Variants in NCAM2 observed in about 807,000 individuals in gnomAD.
NCAM2 encodes N-CAM-2.
NCAM2 carries 30 observed loss-of-function variants against 98.1 expected under a neutral mutation model. The ratio of observed to expected loss-of-function variants is 0.31; its 90% CI spans 0.23 to 0.41. The LOEUF (loss-of-function observed/expected upper bound fraction) is 0.41. Ranked by LOEUF, NCAM2 falls within the 10% of genes least tolerant of loss-of-function variation. The pLI is 1.00. For synonymous variants in NCAM2, 368 were observed against 342.4 expected (o/e 1.07, Z -0.83); for missense variants, 867 against 1,005.8 (o/e 0.86, Z 1.87).
intron 1 of NCAM2, among the ~76,000 whole-genome samples, chr21:21,161,519 T>C (rs2067783313): frequency 6.6e-6 from 1 of 151,534 alleles, no homozygotes; most frequent in Non-Finnish European, 1.5e-5. Context: ...AATCTCATAA[T>C]TGAGAATTGT....
At position 21,225,904 on chromosome 21, in the gene NCAM2, G is replaced by C. The variant is rs146111320; in HGVS notation, c.56-54674G>C. On this transcript the variant is annotated intron_variant, in intron 1 of 17. Coordinates refer to ENST00000400546, the MANE Select transcript of NCAM2 (RefSeq NM_004540.5). The stretch of plus-strand genomic sequence containing the variant: ...GTTTATCATAGCACTACTCACAACA[G>C]CAAAGACATGGGATCAACCTCGGTG... Among the ~76,000 whole-genome samples, 580 of 152,114 alleles carry C rather than the reference G, an allele frequency of 3.8e-3. 4 individuals carry two copies. The highest frequency in any genetic ancestry group is 0.034 in the Middle Eastern group (10 of 294).
chr21:21,087,711 G>C (rs114274160), intron 1 of NCAM2, among the ~76,000 whole-genome samples: 1,715 of 152,264 alleles, frequency 0.011, 38 homozygotes, highest in African/African-American at 0.039. Flanking sequence ...GAGAGGAAAT[G>C]GTGGCTTATT....
chr21:21,064,293 A>G (rs1240452040), intron 1 of NCAM2, among the ~76,000 whole-genome samples: 2 of 152,238 alleles, frequency 1.3e-5, no homozygotes, highest in Non-Finnish European at 2.9e-5. Context: ...GACTCAGTCT[A>G]GCTATCTTAA....
chr21:21,372,940 T>C (rs1444605740), intron 8 of NCAM2, among the ~76,000 whole-genome samples: 3 of 151,862 alleles, frequency 2.0e-5, no homozygotes, highest in African/African-American at 7.2e-5. Context: ...AAAATTTACT[T>C]TTCAATACTG....
At chr21:21,084,124 G>A (rs766933326) in intron 1 of NCAM2, among the ~76,000 whole-genome samples, 3 of 152,136 alleles carry the variant, frequency 2.0e-5, no homozygotes, top group Non-Finnish European at 4.4e-5. Context: ...TTGTTTTGCT[G>A]TGTCCTTACA....
At chr21:21,441,950 G>A (rs567990016) in intron 12 of NCAM2, among the ~76,000 whole-genome samples, 2 of 152,274 alleles carry the variant, frequency 1.3e-5, no homozygotes, top group South Asian at 4.1e-4. Flanking sequence ...CATCTCCTGA[G>A]GGACTGTTAG....
At chr21:21,301,025 T>TA (rs1228411336) in intron 5 of NCAM2, among the ~76,000 whole-genome samples, 1 of 152,122 alleles carries the variant, frequency 6.6e-6, no homozygotes, top group African/African-American at 2.4e-5. Flanking sequence ...ATAGTGAATA[T>TA]ATCTTCTTTT....
chr21:21,325,750 T>G (rs1289498247), intron 6 of NCAM2, among the ~76,000 whole-genome samples: 1 of 152,166 alleles, frequency 6.6e-6, no homozygotes, highest in African/African-American at 2.4e-5. Context: ...CCACAGAGAT[T>G]TCTTTTTTCT....
intron 13 of NCAM2, among the ~76,000 whole-genome samples, chr21:21,467,342 T>C (rs1983813968): frequency 6.7e-6 from 1 of 149,298 alleles, no homozygotes; most frequent in Non-Finnish European, 1.5e-5. Flanking sequence ...GAACCACTGT[T>C]ATAAAAATCT....
intron 5 of NCAM2, among the ~76,000 whole-genome samples, chr21:21,316,528 T>C (rs1196130155): frequency 1.5e-5 from 2 of 134,760 alleles, no homozygotes; most frequent in South Asian, 2.5e-4. Context: ...ATTTTATCTT[T>C]TATTCTTTTT....
chr21:21,433,632 A>G (rs2077392680), intron 12 of NCAM2, among the ~76,000 whole-genome samples: 1 of 151,330 alleles, frequency 6.6e-6, no homozygotes, highest in South Asian at 2.1e-4. Context: ...AGACCCAGCT[A>G]CTCGGGAGGC....
At chr21:21,205,986 A>G (rs1325437201) in intron 1 of NCAM2, among the ~76,000 whole-genome samples, 1 of 152,174 alleles carries the variant, frequency 6.6e-6, no homozygotes, top group Non-Finnish European at 1.5e-5. Flanking sequence ...AAACTATTAC[A>G]TTGGTGATTA....
At chr21:21,479,608 A>AAAAAAAAAAAAAAAAAATT (rs1491473437) in intron 15 of NCAM2, among the ~76,000 whole-genome samples, 10 of 127,916 alleles carry the variant, frequency 7.8e-5, no homozygotes, top group Non-Finnish European at 8.8e-5. Flanking sequence ...AAAAAAAAAA[A>AAAAAAAAAAAAAAAAAATT]TTGTTGATGA....
intron 1 of NCAM2, among the ~76,000 whole-genome samples, chr21:21,117,956 A>T (rs1403918829): frequency 6.6e-6 from 1 of 152,214 alleles, no homozygotes; most frequent in Non-Finnish European, 1.5e-5. Context: ...AAGTTGCCTG[A>T]TATTTATGAC....
At chr21:21,320,525 G>C (rs1174682393) in intron 5 of NCAM2, among the ~76,000 whole-genome samples, 1 of 135,244 alleles carries the variant, frequency 7.4e-6, no homozygotes, top group African/African-American at 3.0e-5. Flanking sequence ...AATGAAAATT[G>C]AGAGCTGTTA....
rs9976661 is a variant in NCAM2, at chr21:21,453,465, G to C, written c.1655-13141G>C. Among the ~76,000 whole-genome samples, 1,199 of 152,170 alleles carry C rather than the reference G, an allele frequency of 7.9e-3. 20 individuals are homozygous for C. Among genetic ancestry groups the C allele is most frequent in the African/African-American group, 0.027 (1,117 of 41,528 alleles). On this transcript the variant is annotated intron_variant, in intron 12 of 17. Coordinates refer to ENST00000400546, the MANE Select transcript of NCAM2 (RefSeq NM_004540.5). ...GCCAATGTCCCATGGGGCCTTACAG[G>C]CTATGGAGAAGACTTTGCATTTTAT... is the stretch of plus-strand genomic sequence containing the variant.
intron 1 of NCAM2, among the ~76,000 whole-genome samples, chr21:21,101,452 T>C (rs1170804101): frequency 1.3e-5 from 2 of 152,052 alleles, no homozygotes; most frequent in Non-Finnish European, 2.9e-5. Context: ...TATGGACTCA[T>C]GCATACTCTC....
chr21:21,324,692 C>T (rs1381468288), intron 6 of NCAM2, among the ~76,000 whole-genome samples, 192 bp downstream of exon 6: 1 of 152,086 alleles, frequency 6.6e-6, no homozygotes, highest in Non-Finnish European at 1.5e-5. Flanking sequence ...TGTGACCCCG[C>T]TCTAATATTC....
intron 8 of NCAM2, among the ~76,000 whole-genome samples, chr21:21,369,516 G>A (rs1440365586): frequency 1.3e-5 from 2 of 151,664 alleles, no homozygotes; most frequent in African/African-American, 4.8e-5. Flanking sequence ...AACATTTGGA[G>A]GAACTGTCAA....
Sources: allele counts gnomAD v4.1 joint callset (sites outside exome capture counted in the v4.1 genomes callset), GRCh38; gene constraint gnomAD v4.1.1; transcripts MANE v1.5; gene names NCBI Gene and HGNC (gene_info 2026-07-23, HGNC 2026-07-21).